VTI1A: variants seen among roughly 807,000 people sequenced by gnomAD.
VTI1A encodes vesicle transport through interaction with t-SNAREs homolog 1A.
VTI1A carries 22 observed loss-of-function variants against 34.9 expected under a neutral mutation model. The ratio of observed to expected loss-of-function variants is 0.63; its 90% confidence interval spans 0.45 to 0.90. VTI1A has a LOEUF of 0.90. Among genes scored for constraint, VTI1A ranks in the 40% least tolerant of loss-of-function variants. VTI1A has a pLI of 0.00. For missense variants in VTI1A, 268 were observed against 275.6 expected (o/e 0.97, Z 0.20); for synonymous variants, 87 against 97.3 (o/e 0.89, Z 0.62).
At chr10:112,745,273 G>T (rs1850853837) in intron 7 of VTI1A, among the ~76,000 whole-genome samples, 2 of 151,514 alleles carry the variant, frequency 1.3e-5, no homozygotes, top group Admixed American at 1.3e-4. Flanking sequence ...AAGCTTCTTT[G>T]GCTCTGTGGT....
In VTI1A at chr10:112,650,374, T is replaced by G. The variant is rs567710734; in HGVS notation, c.428-17844T>G. ...TGGAAGATCTGCAGGGCCAATAACA[T>G]GCATGGAGCTGTCATCTCCTATGAT... On this transcript the variant is annotated intron_variant, in intron 5 of 7. Coordinates refer to ENST00000393077, the MANE Select transcript of VTI1A (RefSeq NM_145206.4). Among the ~76,000 whole-genome samples the G allele has an allele frequency of 5.9e-5, 9 of 152,268 alleles. No homozygotes were observed. In the East Asian group the frequency reaches 1.4e-3, roughly 23 times the overall value.
intron 5 of VTI1A, among the ~76,000 whole-genome samples, chr10:112,547,406 G>A (rs1032573556): frequency 1.3e-5 from 2 of 151,892 alleles, no homozygotes; most frequent in Non-Finnish European, 2.9e-5. Context: ...GTGAAACCCC[G>A]TCTCTATTAA....
At chr10:112,581,881 G>A (rs1054152830) in intron 5 of VTI1A, among the ~76,000 whole-genome samples, 5 of 152,164 alleles carry the variant, frequency 3.3e-5, no homozygotes, top group Non-Finnish European at 7.4e-5. Flanking sequence ...TAGGCAAAAT[G>A]CTCTAAACTA....
chr10:112,567,574 C>G (rs911025367), intron 5 of VTI1A, among the ~76,000 whole-genome samples: 4 of 152,034 alleles, frequency 2.6e-5, no homozygotes, highest in African/African-American at 9.7e-5. Flanking sequence ...TGTAATTAAG[C>G]CTTTTTCTCA....
At position 112,698,674 on chromosome 10, in the gene VTI1A, C is replaced by T. The variant is rs571385362; in HGVS notation, c.560+29676C>T. Among the ~76,000 whole-genome samples, 97 of 152,342 alleles carry T rather than the reference C, an allele frequency of 6.4e-4. 2 individuals are homozygous for T. In the South Asian group the frequency reaches 0.019, roughly 31 times the overall value. ...CCTTCTGCTCACACATGGTTAAACA[C>T]GTGTTTGAACTGATGTTTTAACACC... is the stretch of plus-strand genomic sequence containing the variant. On this transcript the variant is annotated intron_variant, in intron 7 of 7. Coordinates refer to ENST00000393077, the MANE Select transcript of VTI1A (RefSeq NM_145206.4).
intron 5 of VTI1A, among the ~76,000 whole-genome samples, chr10:112,658,159 C>T (rs7918525): frequency 0.061 from 9,304 of 152,186 alleles, 952 homozygotes; most frequent in African/African-American, 0.21. Flanking sequence ...ACAGTCATAG[C>T]TCACTGCAGC....
chr10:112,492,773 C>CA (rs35608429), intron 3 of VTI1A, among the ~76,000 whole-genome samples: 6,356 of 105,980 alleles, frequency 0.06, 488 homozygotes, highest in East Asian at 0.39. Context: ...GCAACAGTCT[C>CA]AAAAAAAAAA....
chr10:112,777,038 CTCACATCTT>C (rs1851973840), intron 7 of VTI1A, among the ~76,000 whole-genome samples: 1 of 152,154 alleles, frequency 6.6e-6, no homozygotes, highest in Non-Finnish European at 1.5e-5. Context: ...GAAACTAAAA[CTCACATCTT>C]TCAAAGCTTT....
At chr10:112,614,986 G>C (rs1845462208) in intron 5 of VTI1A, among the ~76,000 whole-genome samples, 1 of 151,950 alleles carries the variant, frequency 6.6e-6, no homozygotes, top group Admixed American at 6.6e-5. Context: ...ATCAATCCAA[G>C]GAAAGGGATG....
intron 7 of VTI1A, among the ~76,000 whole-genome samples, chr10:112,785,284 T>C (rs1222383864): frequency 6.6e-6 from 1 of 152,196 alleles, no homozygotes; most frequent in Non-Finnish European, 1.5e-5. Flanking sequence ...TCCTTCAGAA[T>C]CCTTGTCAGA....
intron 2 of VTI1A, among the ~76,000 whole-genome samples, chr10:112,462,695 A>G (rs9971308): frequency 0.71 from 107,877 of 152,044 alleles, 39,647 homozygotes; most frequent in Non-Finnish European, 0.8. Flanking sequence ...AAGCCTATTA[A>G]TTGAAAGGTG....
At chr10:112,504,545 A>G (rs1849359891) in intron 3 of VTI1A, among the ~76,000 whole-genome samples, 2 of 152,150 alleles carry the variant, frequency 1.3e-5, no homozygotes, top group Admixed American at 6.5e-5. Flanking sequence ...GGATGTACCA[A>G]ATTTATTTAA....
intron 5 of VTI1A, among the ~76,000 whole-genome samples, chr10:112,598,166 A>G (rs1435374271): frequency 6.6e-6 from 1 of 152,210 alleles, no homozygotes; most frequent in Non-Finnish European, 1.5e-5. Context: ...TAGCACTTGA[A>G]GATCCAAGAC....
intron 7 of VTI1A, among the ~76,000 whole-genome samples, chr10:112,755,871 T>TGC (rs1324879404): frequency 6.6e-6 from 1 of 152,174 alleles, no homozygotes; most frequent in Non-Finnish European, 1.5e-5. Flanking sequence ...GTCTGCAGTC[T>TGC]CTGGCTTGAC....
intron 7 of VTI1A, among the ~76,000 whole-genome samples, chr10:112,739,780 G>A (rs1387841242): frequency 6.6e-6 from 1 of 152,216 alleles, no homozygotes; most frequent in Non-Finnish European, 1.5e-5. Flanking sequence ...CTATTGAACT[G>A]CCATCCAGAT....
intron 3 of VTI1A, among the ~76,000 whole-genome samples, chr10:112,497,496 A>C (rs1849070496): frequency 6.6e-6 from 1 of 152,312 alleles, no homozygotes; most frequent in South Asian, 2.1e-4. Flanking sequence ...GATTATTGTG[A>C]AGAGTAAATT....
At chr10:112,603,647 C>G (rs890976667) in intron 5 of VTI1A, among the ~76,000 whole-genome samples, 2 of 152,084 alleles carry the variant, frequency 1.3e-5, no homozygotes, top group Non-Finnish European at 1.5e-5. Flanking sequence ...TCCAAAATTT[C>G]TTCCCCTTGT....
At chr10:112,723,471 A>C (rs1390709344) in intron 7 of VTI1A, among the ~76,000 whole-genome samples, 1 of 152,216 alleles carries the variant, frequency 6.6e-6, no homozygotes, top group Non-Finnish European at 1.5e-5. Flanking sequence ...AGATCAGGCC[A>C]TAGCTCTGCA....
chr10:112,555,786 C>T (rs1020867095), intron 5 of VTI1A, among the ~76,000 whole-genome samples: 6 of 152,062 alleles, frequency 3.9e-5, no homozygotes, highest in South Asian at 2.1e-4. Context: ...CTACTGTTTC[C>T]GCTAGAGATC....
Sources: gnomAD v4.1 joint callset for allele counts (sites outside exome capture counted in the v4.1 genomes callset) on GRCh38, gnomAD v4.1.1 for gene constraint, MANE v1.5 for transcripts, NCBI Gene and HGNC (gene_info 2026-07-23, HGNC 2026-07-21) for gene names.